Variants in GOLGA8M observed in about 807,000 individuals in gnomAD.
GOLGA8M encodes the protein golgin A8 family member M.
In GOLGA8M, 34 loss-of-function variants were observed where a neutral mutation model predicts 87.7. The ratio of observed to expected loss-of-function variants is 0.39; its 90% confidence interval spans 0.29 to 0.52. The LOEUF (loss-of-function observed/expected upper bound fraction) is 0.52. Among genes scored for constraint, GOLGA8M ranks in the 20% least tolerant of loss-of-function variants. The pLI, the probability that GOLGA8M is intolerant of heterozygous loss-of-function variation, is 0.80. For missense variants in GOLGA8M, 396 were observed against 682.2 expected (o/e 0.58, Z 4.67); for synonymous variants, 138 against 250.2 (o/e 0.55, Z 4.23).
chr15:28,703,462 G>A, intron 14 of GOLGA8M, 52 bp from the exon 15 acceptor site: 2 of 575,698 alleles, frequency 3.5e-6, no homozygotes, highest in Non-Finnish European at 5.6e-6. Context: ...GGGAGGTACT[G>A]TGGGCCCACC....
chr15:28,702,169 G>GA, intron 18 of GOLGA8M, 40 bp from the exon 19 acceptor site: 1 of 1,580,632 alleles, frequency 6.3e-7, no homozygotes, highest in South Asian at 1.1e-5. Flanking sequence ...CACAGTGGGA[G>GA]CCCCCTCTTC....
chr15:28,707,423 A>G (rs2140932658), intron 8 of GOLGA8M, among the ~76,000 whole-genome samples: 1 of 145,188 alleles, frequency 6.9e-6, no homozygotes, highest in Middle Eastern at 3.4e-3. Context: ...ATGGTAACAT[A>G]CTAAAGGTAC....
chr15:28,711,871 G>A (rs2080205265), intron 1 of GOLGA8M: 4 of 984,906 alleles, frequency 4.1e-6, no homozygotes, highest in African/African-American at 1.7e-5. Flanking sequence ...TGAGGCAGCA[G>A]GAGGGGAGGG....
At position 28,701,128 on chromosome 15, in the gene GOLGA8M, G is replaced by A. The variant is rs1355254342; in HGVS notation, c.*826C>T. ...AACGATGGGAACCTTTCATTCCTCA[G>A]AAATAAGCCCTTTTTAGGTCATCGA... On this transcript the variant is annotated 3_prime_UTR_variant, in exon 19 of 19. Coordinates refer to ENST00000563027, the MANE Select transcript of GOLGA8M (RefSeq NM_001282468.3). Among the ~76,000 whole-genome samples the A allele has an allele frequency of 6.6e-6, 1 of 151,944 alleles. No individual in the cohort carries two copies. The highest frequency in any genetic ancestry group is 1.5e-5 in the Non-Finnish European group (1 of 68,022).
At position 28,703,381 on chromosome 15, in the gene GOLGA8M, C is replaced by T. The variant is rs1467715739; in HGVS notation, c.1306G>A (p.Gly436Arg). 5.6e-6 allele frequency: 3 copies of T among 534,234 alleles called. No homozygotes were observed. Among genetic ancestry groups the T allele is most frequent in the Non-Finnish European group, 8.9e-6 (3 of 337,716 alleles). 33.1% of individuals were successfully genotyped at this position (534,234 alleles called of 1,614,324 possible). A position where few individuals can be genotyped will look rare whatever the true frequency, so the allele number is the denominator to read the frequency against. ...GHGGEHLDSE[G>R]EEAPQPMPSV... ...GGCATGGGCTGAGGTGCCTCCTCCC[C>T]CTCACTGTCCAGATGTTCTCCTCCG... is the stretch of plus-strand genomic sequence containing the variant. The change falls in exon 15 of 19, where the codon GGG becomes AGG. Residue 436 changes from glycine (G) to arginine (R), a missense_variant. By Grantham distance (125) the Gly-to-Arg change is moderately radical. Around this residue, in one of 12 missense-constraint regions of GOLGA8M, gnomAD observed 6 missense variants for 21.4 expected, o/e 0.28. Coordinates refer to ENST00000563027, the MANE Select transcript of GOLGA8M (RefSeq NM_001282468.3).
chr15:28,711,708 T>C lies in GOLGA8M; in HGVS notation c.48+568A>G, dbSNP rs957687753. The C allele has an allele frequency of 4.1e-6, 4 of 985,008 alleles. No individual in the cohort carries two copies. In the African/African-American group the frequency reaches 7.0e-5, roughly 17 times the overall value. 61.0% of individuals were successfully genotyped at this position (985,008 alleles called of 1,614,324 possible). On this transcript the variant is annotated intron_variant, in intron 1 of 18. Coordinates refer to ENST00000563027, the MANE Select transcript of GOLGA8M (RefSeq NM_001282468.3). ...CAGTAACGGCAGTTACTAGGTGGGC[T>C]GTGACATCACAACATTCCACTCCTC... is the stretch of plus-strand genomic sequence containing the variant.
chr15:28,708,639 C>T (rs942398120), intron 4 of GOLGA8M, among the ~76,000 whole-genome samples: 3 of 149,090 alleles, frequency 2.0e-5, no homozygotes, highest in African/African-American at 7.4e-5. Context: ...TCTGGAATCT[C>T]TTGAGAGGAC....
At chr15:28,702,390 C>G in intron 17 of GOLGA8M, 21 bp from the exon 18 acceptor site, 1 of 1,522,374 alleles carries the variant, frequency 6.6e-7, no homozygotes, top group East Asian at 2.5e-5. Context: ...GGGTGCTCAG[C>G]TGCCATGCCG....
At chr15:28,707,071 A>G (rs1465060891) in intron 8 of GOLGA8M, among the ~76,000 whole-genome samples, 1 of 135,526 alleles carries the variant, frequency 7.4e-6, no homozygotes, top group Non-Finnish European at 1.5e-5. Flanking sequence ...GAGATAAAAA[A>G]CATGGAGTAT....
In GOLGA8M at chr15:28,703,912, G is replaced by A. The variant is rs545436425; in HGVS notation, c.1206C>T (p.His402=). 483 of 1,580,500 alleles carry A rather than the reference G, an allele frequency of 3.1e-4. 3 individuals carry two copies. Among genetic ancestry groups the A allele is most frequent in the Admixed American group, 4.4e-4 (23 of 52,464 alleles). ...GGTTCTGCTGGCTGGCAGCTTCCAG[G>A]TGCTCCTAAGGGGCCAGGAAAGAGT... is the stretch of plus-strand genomic sequence containing the variant. ...KELQEKLGEE[H]LEAASQQNQQ... The change falls in exon 14 of 19, where the codon CAC becomes CAT. Residue 402 remains histidine, a synonymous_variant. Coordinates refer to ENST00000563027, the MANE Select transcript of GOLGA8M (RefSeq NM_001282468.3).
rs2079749090 is a variant in GOLGA8M at position 28,699,499 on chromosome 15, T to C, written c.*2455A>G. ...ATTCTTTTTAGCTTTTTCTTAAATA[T>C]ATGACAAATACCTATACAAAGAGTG... On this transcript the variant is annotated 3_prime_UTR_variant, in exon 19 of 19. Coordinates refer to ENST00000563027, the MANE Select transcript of GOLGA8M (RefSeq NM_001282468.3). Among the ~76,000 whole-genome samples, 1 of 144,562 alleles carries C rather than the reference T, an allele frequency of 6.9e-6. No individual in the cohort carries two copies. Among genetic ancestry groups the C allele is most frequent in the African/African-American group, 2.6e-5 (1 of 39,048 alleles). 94.8% of individuals were successfully genotyped at this position (144,562 alleles called of 152,430 possible).
chr15:28,706,759 C>T (rs2080044322), intron 8 of GOLGA8M, 60 bp from the exon 9 acceptor site: 1 of 1,458,386 alleles, frequency 6.9e-7, no homozygotes, highest in South Asian at 1.2e-5. Flanking sequence ...CACACAGTGC[C>T]CCTTAACAGG....
intron 14 of GOLGA8M, 77 bp downstream of exon 14, chr15:28,703,765 C>T: frequency 8.0e-7 from 1 of 1,244,602 alleles, no homozygotes; most frequent in Non-Finnish European, 1.1e-6. Flanking sequence ...TCTCTTCCAA[C>T]TCCTCAATCC....
Position 28,707,358 on chromosome 15 carries a change from GTACA to G in GOLGA8M, c.591+386_591+389del, listed in dbSNP as rs1221814485. 8.8e-4 allele frequency among the ~76,000 whole-genome samples: 116 copies of G among 131,946 alleles called. 1 individual carries two copies. The highest frequency in any genetic ancestry group is 3.2e-3 in the African/African-American group (104 of 32,148). 86.6% of individuals were successfully genotyped at this position (131,946 alleles called of 152,430 possible). A position where few individuals can be genotyped will look rare whatever the true frequency, so the allele number is the denominator to read the frequency against. On this transcript the variant is annotated intron_variant, in intron 8 of 18. Coordinates refer to ENST00000563027, the MANE Select transcript of GOLGA8M (RefSeq NM_001282468.3). ...TGTTTTATGTATATTATCATAGTAT[GTACA>G]CACACACACACACACACACACACAT... is the stretch of plus-strand genomic sequence containing the variant.
In GOLGA8M at chr15:28,698,867, A is replaced by G. The variant is rs907703879; in HGVS notation, c.*3087T>C. On this transcript the variant is annotated 3_prime_UTR_variant, in exon 19 of 19. Coordinates refer to ENST00000563027, the MANE Select transcript of GOLGA8M (RefSeq NM_001282468.3). ...AAATCTTTCAGTATTTCCATTACAC[A>G]TTCTGTTTATAATAATTCATAAACT... is the stretch of plus-strand genomic sequence containing the variant. Among the ~76,000 whole-genome samples, 5 of 142,896 alleles carry G rather than the reference A, an allele frequency of 3.5e-5. 1 individual carries two copies. Among genetic ancestry groups the G allele is most frequent in the African/African-American group, 1.1e-4 (4 of 37,676 alleles). The allele number at this position is 142,896 out of a possible 152,430, so 93.7% of individuals were successfully genotyped here.
At chr15:28,713,197 T>G (rs1664128164), upstream of GOLGA8M, among the ~76,000 whole-genome samples, 1 of 150,484 alleles carries the variant, frequency 6.6e-6, no homozygotes, top group African/African-American at 2.4e-5. Context: ...AAAGGCCGGA[T>G]GTGGTGGCAG....
At chr15:28,703,152 C>T (rs2079870767) in intron 15 of GOLGA8M, among the ~76,000 whole-genome samples, 167 bp downstream of exon 15, 1 of 133,248 alleles carries the variant, frequency 7.5e-6, no homozygotes, top group South Asian at 2.4e-4. Context: ...CTTGGGCCCC[C>T]AGAGACTGCA....
rs541132477 is a variant in GOLGA8M, at chr15:28,702,732, T to C, written c.1382A>G (p.Asp461Gly). Residue 461 changes from aspartate to glycine, a missense_variant, in exon 16 of 19, where the codon GAC (aspartate) becomes GGC (glycine). Asp to Gly is a moderately conservative substitution (Grantham distance 94). Coordinates refer to ENST00000563027, the MANE Select transcript of GOLGA8M (RefSeq NM_001282468.3). Reference protein sequence around the residue: ...ESREAMSSFMDHLEEKADLSE... With the variant: ...ESREAMSSFMGHLEEKADLSE... ...CAGGTCTGCCTTCTCCTCCAGGTGG[T>C]CCATAAAGCTGCTCTGGAGCCAAAA... The C allele has an allele frequency of 1.4e-5, 23 of 1,600,820 alleles. No individual in the cohort carries two copies. In the East Asian group the frequency reaches 2.2e-4, roughly 16 times the overall value.
intron 1 of GOLGA8M, chr15:28,711,619 G>A (rs776680262): frequency 1.9e-5 from 19 of 985,034 alleles, no homozygotes; most frequent in Non-Finnish European, 2.2e-5. Context: ...CCTGTGACCA[G>A]AGGAACCAGA....
Sources: gnomAD v4.1 joint callset for allele counts (sites outside exome capture counted in the v4.1 genomes callset) on GRCh38, gnomAD v4.1.1 for gene constraint, gnomAD v4.1.1 regional missense constraint, MANE v1.5 for transcripts, NCBI Gene and HGNC (gene_info 2026-07-23, HGNC 2026-07-21) for gene names.